VPS13D: variants seen among roughly 807,000 people sequenced by gnomAD.
The protein encoded by VPS13D is intermembrane lipid transfer protein VPS13D.
In VPS13D, 187 loss-of-function variants were observed where a neutral mutation model predicts 461.9. The observed-to-expected ratio is 0.40, with a 90% CI of 0.36 to 0.46. The LOEUF (loss-of-function observed/expected upper bound fraction) is 0.46. VPS13D is among the 20% of genes least tolerant of loss of function. The pLI is 0.60. For synonymous variants in VPS13D, 1,951 were observed against 1,986.3 expected (o/e 0.98, Z 0.47); for missense variants, 4,711 against 5,364.9 (o/e 0.88, Z 3.81).
At chr1:12,457,832 A>T (rs1194721461) in intron 66 of VPS13D, among the ~76,000 whole-genome samples, 1 of 152,248 alleles carries the variant, frequency 6.6e-6, no homozygotes, top group Non-Finnish European at 1.5e-5. Flanking sequence ...AATTTGGCTG[A>T]AAGTAATTTG....
At chr1:12,296,497 T>C (rs1232469048) in intron 24 of VPS13D, among the ~76,000 whole-genome samples, 1 of 152,248 alleles carries the variant, frequency 6.6e-6, no homozygotes, top group Admixed American at 6.5e-5. Flanking sequence ...TAGCCTTTTT[T>C]AGAATCTTTT....
At chr1:12,428,963 T>C (rs931381108) in intron 65 of VPS13D, among the ~76,000 whole-genome samples, 1 of 152,154 alleles carries the variant, frequency 6.6e-6, no homozygotes, top group African/African-American at 2.4e-5. Context: ...ATGAGAGAAG[T>C]GCTGTGGGGC....
In VPS13D at chr1:12,259,922, C is replaced by T. The variant is rs984055960; in HGVS notation, c.1111-771C>T. On this transcript the variant is annotated intron_variant, in intron 10 of 69. Transcript: ENST00000620676. ...AAGAGCGATAACTAGGCTGCTTACT[C>T]CTCATCTGAGCTAAGGCATGTGGAA... Among the ~76,000 whole-genome samples the T allele has an allele frequency of 2.6e-5, 4 of 151,842 alleles. 1 individual carries two copies. In the South Asian group the frequency reaches 6.3e-4, roughly 24 times the overall value.
At chr1:12,393,632 C>T (rs1570081948) in intron 60 of VPS13D, among the ~76,000 whole-genome samples, 2 of 152,206 alleles carry the variant, frequency 1.3e-5, no homozygotes, top group Non-Finnish European at 2.9e-5. Flanking sequence ...ATCACCACCC[C>T]TGCATCTTTC....
intron 63 of VPS13D, among the ~76,000 whole-genome samples, chr1:12,404,862 A>G (rs1644629963): frequency 1.3e-5 from 2 of 152,158 alleles, no homozygotes; most frequent in African/African-American, 4.8e-5. Context: ...AGTCAAAGTC[A>G]GCCCCCTGCA....
rs1569938830 is a variant in VPS13D, at chr1:12,335,639, A to G, written c.8429-66A>G. ...AATAAAAGCTTGTTTTGCTGAATTGAAATTATTTGACTCGAACCCTCCATC... is the reference window on the plus strand; with the variant it reads ...AATAAAAGCTTGTTTTGCTGAATTGGAATTATTTGACTCGAACCCTCCATC... On this transcript the variant is annotated intron_variant, in intron 38 of 69. Coordinates refer to ENST00000620676, the MANE Select transcript of VPS13D (RefSeq NM_015378.4). The G allele has an allele frequency of 1.9e-5, 29 of 1,539,174 alleles. No individual in the cohort carries two copies. In the East Asian group the frequency reaches 6.6e-4, roughly 35 times the overall value.
intron 67 of VPS13D, among the ~76,000 whole-genome samples, chr1:12,462,035 T>G (rs1645419832): frequency 1.3e-5 from 2 of 152,218 alleles, no homozygotes; most frequent in Non-Finnish European, 2.9e-5. Context: ...CTGCCATTTA[T>G]TCATTGCCTG....
chr1:12,318,576 C>G (rs534361212), intron 31 of VPS13D, among the ~76,000 whole-genome samples: 3 of 152,292 alleles, frequency 2.0e-5, no homozygotes, highest in South Asian at 2.1e-4. Context: ...GTGCTTGTGT[C>G]TGGCCCGAGC....
At chr1:12,420,507 G>T (rs1258067794) in intron 65 of VPS13D, among the ~76,000 whole-genome samples, 9 of 152,196 alleles carry the variant, frequency 5.9e-5, no homozygotes, top group African/African-American at 2.2e-4. Flanking sequence ...CTTTAGCCTG[G>T]TTGAATGGGC....
chr1:12,461,142 A>G (rs889646453), intron 67 of VPS13D, among the ~76,000 whole-genome samples: 5 of 152,220 alleles, frequency 3.3e-5, no homozygotes, highest in African/African-American at 1.2e-4. Context: ...AACAAAGGGT[A>G]TAATGAATGT....
At chr1:12,329,761 GTCA>G (rs765660578) in intron 36 of VPS13D, 65 bp from the exon 37 acceptor site, 7 of 1,155,146 alleles carry the variant, frequency 6.1e-6, no homozygotes, top group Non-Finnish European at 9.1e-6. Flanking sequence ...TTTCTTTAAT[GTCA>G]TCAGCAAAAG....
chr1:12,460,575 C>A (rs1645396524), intron 67 of VPS13D, among the ~76,000 whole-genome samples, 179 bp downstream of exon 67: 1 of 151,452 alleles, frequency 6.6e-6, no homozygotes, highest in Non-Finnish European at 1.5e-5. Context: ...GTACAGAAAC[C>A]TGGCATGAAT....
chr1:12,237,732 T>C (rs1640203706), intron 2 of VPS13D, among the ~76,000 whole-genome samples: 2 of 151,476 alleles, frequency 1.3e-5, no homozygotes, highest in African/African-American at 4.8e-5. Flanking sequence ...GAGGCCCAGG[T>C]GGGAGGATCG....
In VPS13D at chr1:12,283,586, G is replaced by C. The variant is rs1450601052; in HGVS notation, c.5484G>C (p.Val1828=). ...TGATCACACTGCAAACCTGGGTTGT[G>C]ATATTAGACTTTTTTGGAATCGGCT... The part of the protein sequence containing the change: ...DVLITLQTWV[V]ILDFFGIGST... The change falls in exon 21 of 70, where the codon GTG becomes GTC. Residue 1828 remains valine, a synonymous_variant. Transcript: ENST00000620676. 1.9e-5 allele frequency: 31 copies of C among 1,614,114 alleles called. No homozygotes were observed. The East Asian group carries it at 6.9e-4, about 36-fold the overall frequency.
chr1:12,260,120 G>A (rs1569716367), intron 10 of VPS13D, among the ~76,000 whole-genome samples: 1 of 149,908 alleles, frequency 6.7e-6, no homozygotes, highest in African/African-American at 2.5e-5. Flanking sequence ...CCGCCTCCTG[G>A]GTTCACACCA....
At chr1:12,396,058 C>G (rs957772639) in intron 60 of VPS13D, among the ~76,000 whole-genome samples, 1 of 124,722 alleles carries the variant, frequency 8.0e-6, no homozygotes, top group Non-Finnish European at 1.6e-5. Context: ...AATTAATAAG[C>G]CTCTAACCAG....
intron 65 of VPS13D, among the ~76,000 whole-genome samples, chr1:12,442,207 T>G (rs1251967679): frequency 6.6e-6 from 1 of 152,234 alleles, no homozygotes; most frequent in African/African-American, 2.4e-5. Context: ...ACAAGTGAAC[T>G]TATTTTTAAT....
intron 67 of VPS13D, among the ~76,000 whole-genome samples, chr1:12,490,846 T>C (rs943363085): frequency 6.6e-6 from 1 of 152,094 alleles, no homozygotes; most frequent in African/African-American, 2.4e-5. Context: ...TGGTGGGAGC[T>C]ACAGGTCCAA....
At chr1:12,499,818 G>A (rs1330016356) in intron 68 of VPS13D, 1 of 985,204 alleles carries the variant, frequency 1.0e-6, no homozygotes, top group African/African-American at 1.7e-5. Context: ...TGTCAGCCTG[G>A]GTCTTCGCGG....
Sources: gnomAD v4.1 joint callset for allele counts (sites outside exome capture counted in the v4.1 genomes callset) on GRCh38, gnomAD v4.1.1 for gene constraint, MANE v1.5 for transcripts, NCBI Gene and HGNC (gene_info 2026-07-23, HGNC 2026-07-21) for gene names.